EPSTI1: variants seen among roughly 807,000 people sequenced by gnomAD.
EPSTI1 encodes the protein epithelial-stromal interaction protein 1.
EPSTI1 carries 66 observed loss-of-function variants against 49.9 expected under a neutral mutation model. The ratio of observed to expected loss-of-function variants is 1.32; its 90% CI spans 1.08 to 1.62. EPSTI1 has a LOEUF of 1.62. Among genes scored for constraint, EPSTI1 ranks in the 40% most tolerant of loss-of-function variants. The pLI is 0.00. For synonymous variants in EPSTI1, 137 were observed against 130.7 expected (o/e 1.05, Z -0.33); for missense variants, 394 against 365.5 (o/e 1.08, Z -0.64).
At chr13:42,903,191 T>C (rs1439729553) in intron 8 of EPSTI1, among the ~76,000 whole-genome samples, 2 of 147,908 alleles carry the variant, frequency 1.4e-5, no homozygotes, top group East Asian at 3.9e-4. Flanking sequence ...CATACATATA[T>C]ATATATGCAT....
At chr13:42,951,348 CAT>C (rs2039090307) in intron 6 of EPSTI1, among the ~76,000 whole-genome samples, 1 of 152,176 alleles carries the variant, frequency 6.6e-6, no homozygotes, top group African/African-American at 2.4e-5. Flanking sequence ...TAATTCAAAA[CAT>C]AATACTCTTT....
chr13:42,987,863 A>G (rs937619357), intron 1 of EPSTI1, among the ~76,000 whole-genome samples: 1 of 152,196 alleles, frequency 6.6e-6, no homozygotes, highest in Non-Finnish European at 1.5e-5. Context: ...TGAAAGAGTT[A>G]GTATACATAG....
chr13:42,955,821 A>G (rs1250995137), intron 5 of EPSTI1, among the ~76,000 whole-genome samples: 1 of 148,144 alleles, frequency 6.8e-6, no homozygotes, highest in African/African-American at 2.5e-5. Context: ...AACAAAAAAA[A>G]ACAAAAAATG....
chr13:42,969,070 C>CCGGCAG (rs1566169388), intron 3 of EPSTI1, 24 bp downstream of exon 3: 1 of 1,613,674 alleles, frequency 6.2e-7, no homozygotes, highest in Non-Finnish European at 8.5e-7. Flanking sequence ...CTCCCTCATT[C>CCGGCAG]CGGCAGCGGC....
intron 7 of EPSTI1, among the ~76,000 whole-genome samples, chr13:42,924,165 C>A (rs1048802062): frequency 6.6e-6 from 1 of 152,164 alleles, no homozygotes; most frequent in African/African-American, 2.4e-5. Flanking sequence ...ATGGATGAGA[C>A]AGAATGAGAA....
At chr13:42,929,838 A>G (rs1390667970) in intron 6 of EPSTI1, among the ~76,000 whole-genome samples, 1 of 152,250 alleles carries the variant, frequency 6.6e-6, no homozygotes, top group Admixed American at 6.5e-5. Flanking sequence ...CCCCACACAG[A>G]CTATGGTGGT....
intron 6 of EPSTI1, among the ~76,000 whole-genome samples, chr13:42,952,392 A>G (rs1566150587): frequency 6.6e-6 from 1 of 152,204 alleles, no homozygotes; most frequent in Non-Finnish European, 1.5e-5. Flanking sequence ...AGAAGGAACC[A>G]ACTCCAGACA....
chr13:42,908,942 A>AT (rs1322435868), intron 8 of EPSTI1, among the ~76,000 whole-genome samples: 3 of 151,466 alleles, frequency 2.0e-5, no homozygotes, highest in African/African-American at 7.3e-5. Context: ...AAAAAAAAAA[A>AT]AATAGCTGGG....
chr13:42,967,529 C>T (rs1156437419), intron 3 of EPSTI1, among the ~76,000 whole-genome samples: 2 of 152,166 alleles, frequency 1.3e-5, no homozygotes, highest in Non-Finnish European at 2.9e-5. Context: ...ATGTGATTCT[C>T]ATGAAAGAGA....
intron 8 of EPSTI1, among the ~76,000 whole-genome samples, chr13:42,901,133 C>A (rs1006673310): frequency 6.6e-6 from 1 of 151,532 alleles, no homozygotes; most frequent in African/African-American, 2.4e-5. Flanking sequence ...ATTTCAAAGA[C>A]AAAAAAAATG....
At chr13:42,944,718 G>A (rs1002635727) in intron 6 of EPSTI1, among the ~76,000 whole-genome samples, 1 of 152,040 alleles carries the variant, frequency 6.6e-6, no homozygotes, top group African/African-American at 2.4e-5. Flanking sequence ...AGGCCTTGGT[G>A]TTCTCCTGTT....
intron 7 of EPSTI1, chr13:42,919,160 T>C (rs1033419168): frequency 1.5e-6 from 1 of 671,132 alleles, no homozygotes; most frequent in Non-Finnish European, 2.5e-6. Flanking sequence ...CATGTCTTAG[T>C]TTTTGACTCA....
At chr13:42,908,002 C>T (rs566876171) in intron 8 of EPSTI1, among the ~76,000 whole-genome samples, 4 of 152,328 alleles carry the variant, frequency 2.6e-5, no homozygotes, top group East Asian at 3.9e-4. Context: ...AAAGGACAGT[C>T]TCCTCAATAA....
chr13:42,943,532 T>C (rs2038827057), intron 6 of EPSTI1, among the ~76,000 whole-genome samples: 1 of 152,164 alleles, frequency 6.6e-6, no homozygotes, highest in African/African-American at 2.4e-5. Flanking sequence ...TAATGTCCTA[T>C]TAATGAGGAA....
At chr13:42,958,752 G>A (rs1024713954) in intron 5 of EPSTI1, among the ~76,000 whole-genome samples, 2 of 151,180 alleles carry the variant, frequency 1.3e-5, no homozygotes, top group Admixed American at 6.7e-5. Context: ...AGCCAGCAAG[G>A]ATTTTGGTAA....
intron 5 of EPSTI1, among the ~76,000 whole-genome samples, chr13:42,955,959 G>C (rs894655620): frequency 1.3e-5 from 2 of 151,176 alleles, no homozygotes; most frequent in Non-Finnish European, 2.9e-5. Flanking sequence ...TCAAATGCCT[G>C]TTATATGCTC....
At chr13:42,927,838 G>A (rs574531810) in intron 6 of EPSTI1, among the ~76,000 whole-genome samples, 1 of 152,284 alleles carries the variant, frequency 6.6e-6, no homozygotes, top group Admixed American at 6.5e-5. Flanking sequence ...CCATTGTCTG[G>A]GGCTTTATGA....
intron 8 of EPSTI1, among the ~76,000 whole-genome samples, chr13:42,903,737 G>A (rs997458471): frequency 7.9e-5 from 12 of 152,210 alleles, no homozygotes; most frequent in South Asian, 4.2e-4. Flanking sequence ...CCTTAATTTC[G>A]ATTAAATAAA....
At chr13:42,892,829 TGAAAG>T (rs2037076859) in intron 10 of EPSTI1, among the ~76,000 whole-genome samples, 1 of 152,184 alleles carries the variant, frequency 6.6e-6, no homozygotes, top group Non-Finnish European at 1.5e-5. Context: ...ACTTCACTGT[TGAAAG>T]GACAGGCAGA....
Sources: gnomAD v4.1 joint callset for allele counts (sites outside exome capture counted in the v4.1 genomes callset) on GRCh38, gnomAD v4.1.1 for gene constraint, MANE v1.5 for transcripts, NCBI Gene and HGNC (gene_info 2026-07-23, HGNC 2026-07-21) for gene names.